The following TXLNB variants were observed in gnomAD, a reference collection of about 807,000 sequenced individuals.
TXLNB encodes the protein beta-taxilin.
In TXLNB, 37 loss-of-function variants were observed where a neutral mutation model predicts 57.4. That is an observed-to-expected ratio of 0.64 (90% confidence interval 0.50 to 0.85). The LOEUF (loss-of-function observed/expected upper bound fraction) is 0.85. Among genes scored for constraint, TXLNB ranks in the 40% least tolerant of loss-of-function variants. The pLI, the probability that TXLNB is intolerant of heterozygous loss-of-function variation, is 0.00. For synonymous variants in TXLNB, 302 were observed against 309.6 expected (o/e 0.98, Z 0.26); for missense variants, 848 against 825.6 (o/e 1.03, Z -0.33).
chr6:139,272,630 G>T (rs984454471), intron 3 of TXLNB, among the ~76,000 whole-genome samples: 2 of 152,224 alleles, frequency 1.3e-5, no homozygotes, highest in Admixed American at 6.5e-5. Context: ...ATGCTAAGCT[G>T]CTCATAGTAT....
the TXLNB span, among the ~76,000 whole-genome samples, chr6:139,308,759 A>G: frequency 6.6e-6 from 1 of 152,238 alleles, no homozygotes; most frequent in Non-Finnish European, 1.5e-5. Flanking sequence ...GGGGGTGGGT[A>G]AATTTCCCAC....
At chr6:139,163,824 G>A in the TXLNB span, among the ~76,000 whole-genome samples, 1 of 151,944 alleles carries the variant, frequency 6.6e-6, no homozygotes, top group African/African-American at 2.4e-5. Context: ...TTTTTCTTGG[G>A]CATCTCATTA....
the TXLNB span, among the ~76,000 whole-genome samples, chr6:139,305,270 TG>T: frequency 1.3e-5 from 2 of 152,176 alleles, no homozygotes; most frequent in African/African-American, 2.4e-5. Flanking sequence ...TTTGAGCATG[TG>T]GTGTGTATGT....
At chr6:139,181,126 C>A in the TXLNB span, among the ~76,000 whole-genome samples, 1 of 15,524 alleles carries the variant, frequency 6.4e-5, no homozygotes, top group Non-Finnish European at 1.4e-4. Context: ...ATTAGATAGA[C>A]CCCCAAGGTC....
chr6:139,218,478 C>A, the TXLNB span, among the ~76,000 whole-genome samples: 1 of 152,068 alleles, frequency 6.6e-6, no homozygotes, highest in African/African-American at 2.4e-5. Context: ...ATAGGCCAGG[C>A]GTGGTGGCTC....
Position 139,242,438 on chromosome 6 carries a change from T to A in TXLNB, c.*88A>T, listed in dbSNP as rs1775955875. ...TCCTAAGTCTCTTCCATTTGACATC[T>A]CTAGCCCTTAATGCCTTTTTCGGAA... On this transcript the variant is annotated 3_prime_UTR_variant, in exon 10 of 10. Transcript: ENST00000358430. 1 of 1,183,550 alleles carries A rather than the reference T, an allele frequency of 8.4e-7. No homozygotes were observed. Among genetic ancestry groups the A allele is most frequent in the Admixed American group, 2.9e-5 (1 of 34,918 alleles). 73.3% of individuals were successfully genotyped at this position (1,183,550 alleles called of 1,614,324 possible).
intron 7 of TXLNB, among the ~76,000 whole-genome samples, chr6:139,252,788 A>G (rs1349106354): frequency 1.3e-5 from 2 of 152,174 alleles, no homozygotes; most frequent in Non-Finnish European, 2.9e-5. Context: ...CCAGGAGATC[A>G]AGACCATCCT....
the TXLNB span, among the ~76,000 whole-genome samples, chr6:139,314,077 A>C: frequency 1.3e-5 from 2 of 152,350 alleles, no homozygotes; most frequent in East Asian, 3.9e-4. Context: ...AGGCCCTGAA[A>C]GAAATCAAAG....
upstream of TXLNB, among the ~76,000 whole-genome samples, chr6:139,293,353 G>A (rs1467796261): frequency 6.6e-6 from 1 of 152,090 alleles, no homozygotes; most frequent in African/African-American, 2.4e-5. Flanking sequence ...GCCTCCCAAA[G>A]TGCTGGGATT....
At chr6:139,202,749 C>T in the TXLNB span, among the ~76,000 whole-genome samples, 1 of 152,090 alleles carries the variant, frequency 6.6e-6, no homozygotes, top group Non-Finnish European at 1.5e-5. Context: ...TGAAAATATA[C>T]AAGAAATTAT....
At chr6:139,188,323 ATC>A in the TXLNB span, among the ~76,000 whole-genome samples, 1 of 152,180 alleles carries the variant, frequency 6.6e-6, no homozygotes, top group African/African-American at 2.4e-5. Context: ...GGCAGATAAA[ATC>A]TGTCTTAATA....
the TXLNB span, among the ~76,000 whole-genome samples, chr6:139,185,465 G>A: frequency 3.8e-4 from 58 of 152,304 alleles, no homozygotes; most frequent in Non-Finnish European, 6.3e-4. Context: ...GCTTTGGGAG[G>A]CCGAGGTGGG....
chr6:139,179,691 T>A, the TXLNB span: 1 of 152,204 alleles, frequency 6.6e-6, no homozygotes, highest in Non-Finnish European at 1.5e-5. Flanking sequence ...AAATCTTATT[T>A]TGGAAATCTA....
At chr6:139,253,127 T>C (rs996688095) in intron 7 of TXLNB, among the ~76,000 whole-genome samples, 2 of 152,354 alleles carry the variant, frequency 1.3e-5, no homozygotes, top group Middle Eastern at 3.4e-3. Flanking sequence ...TTTTTCTCTC[T>C]CTTATTGATG....
the TXLNB span, among the ~76,000 whole-genome samples, chr6:139,164,080 A>ACTCTCTCT: frequency 0.011 from 1,601 of 148,156 alleles, 28 homozygotes; most frequent in African/African-American, 0.037. Context: ...ACACACACAC[A>ACTCTCTCT]CTCTCTCTCT....
At chr6:139,308,786 T>A in the TXLNB span, among the ~76,000 whole-genome samples, 9 of 152,268 alleles carry the variant, frequency 5.9e-5, no homozygotes, top group Admixed American at 5.9e-4. Context: ...ATGAGTCATG[T>A]TAAACAGGAA....
At chr6:139,318,222 AT>A in the TXLNB span, among the ~76,000 whole-genome samples, 1 of 148,520 alleles carries the variant, frequency 6.7e-6, no homozygotes, top group Non-Finnish European at 1.5e-5. Flanking sequence ...GTGAGCCAAG[AT>A]CACGCCACTG....
At chr6:139,282,854 GA>G (rs1405243714) in intron 2 of TXLNB, among the ~76,000 whole-genome samples, 1 of 145,156 alleles carries the variant, frequency 6.9e-6, no homozygotes, top group Non-Finnish European at 1.5e-5. Flanking sequence ...GGTGGATTCT[GA>G]AACTCCCTAG....
intron 3 of TXLNB, among the ~76,000 whole-genome samples, chr6:139,271,066 C>G (rs10872510): frequency 6.6e-6 from 1 of 151,898 alleles, no homozygotes; most frequent in Non-Finnish European, 1.5e-5. Context: ...AAGCTTCTAG[C>G]GCTATTTTTA....
Sources: allele counts gnomAD v4.1 joint callset (sites outside exome capture counted in the v4.1 genomes callset), GRCh38; gene constraint gnomAD v4.1.1; transcripts MANE v1.5; gene names NCBI Gene and HGNC (gene_info 2026-07-23, HGNC 2026-07-21).